FCHSD1: variants seen among roughly 807,000 people sequenced by gnomAD.
FCHSD1 encodes F-BAR and double SH3 domains protein 1.
FCHSD1 carries 109 observed loss-of-function variants against 101.3 expected under a neutral mutation model. The observed-to-expected ratio is 1.08, with a 90% CI of 0.92 to 1.26. FCHSD1 has a LOEUF of 1.26. Ranked by LOEUF, FCHSD1 falls within the 50% of genes most tolerant of loss-of-function variation. The pLI is 0.00. For missense variants in FCHSD1, 820 were observed against 895.8 expected (o/e 0.92, Z 1.08); for synonymous variants, 291 against 356.8 (o/e 0.82, Z 2.08).
rs999139462 is a variant in FCHSD1 at position 141,641,328 on chromosome 5, G to T, written c.*170C>A. 5 of 543,184 alleles carry T rather than the reference G, an allele frequency of 9.2e-6. No individual in the cohort carries two copies. Among genetic ancestry groups the T allele is most frequent in the Middle Eastern group, 4.9e-4 (1 of 2,052 alleles). 33.6% of individuals were successfully genotyped at this position (543,184 alleles called of 1,614,324 possible). On this transcript the variant is annotated 3_prime_UTR_variant, in exon 20 of 20. Transcript: ENST00000435817. ...ATAGAACAATGGGAAAAAAAGGAGT[G>T]GGTTCCAGCTCTAGAAATGGGAAGG...
chr5:141,651,291 C>T, intron 1 of FCHSD1, 57 bp downstream of exon 1: 1 of 1,551,166 alleles, frequency 6.4e-7, no homozygotes, highest in Non-Finnish European at 8.7e-7. Context: ...CGGATGCCCC[C>T]TTAGCTCCCT....
In FCHSD1 at chr5:141,647,206, G is replaced by C; in HGVS notation, c.853C>G (p.Leu285Val). Reference sequence around the variant, plus strand: ...AATACACCAGGCTCCTGAAGAAACAGCTTCAGGTCTTGCTCCCAGCTTACC... The same window carrying C: ...AATACACCAGGCTCCTGAAGAAACACCTTCAGGTCTTGCTCCCAGCTTACC... The part of the protein sequence containing the change: ...SQVSWEQDLK[L>V]FLQEPGVFSP... Residue 285 changes from leucine (L) to valine (V), a missense_variant, in exon 10 of 20, where the codon CTG becomes GTG. By Grantham distance (32) the Leu-to-Val change is conservative. Coordinates refer to ENST00000435817, the MANE Select transcript of FCHSD1 (RefSeq NM_033449.3). 1 of 1,608,364 alleles carries C rather than the reference G, an allele frequency of 6.2e-7. No homozygotes were observed.
intron 18 of FCHSD1, chr5:141,642,159 T>C: frequency 1.9e-6 from 1 of 515,052 alleles, no homozygotes. Flanking sequence ...AAGGCAGGCA[T>C]TCCACAGCCA....
chr5:141,640,023 G>A lies in FCHSD1; in HGVS notation c.*1475C>T. ...CTCTGGTGGGGGACAGGACCCAGGG[G>A]GTGGTCAGGGGTCTGGGGGAGGGCA... On this transcript the variant is annotated 3_prime_UTR_variant, in exon 20 of 20. Transcript: ENST00000435817. 6.2e-7 allele frequency: 1 copy of A among 1,613,528 alleles called. No homozygotes were observed. Among genetic ancestry groups the A allele is most frequent in the Non-Finnish European group, 8.5e-7 (1 of 1,179,774 alleles).
chr5:141,647,435 A>G lies in FCHSD1; in HGVS notation c.791T>C (p.Leu264Pro). 1 of 1,609,370 alleles carries G rather than the reference A, an allele frequency of 6.2e-7. No individual in the cohort carries two copies. The highest frequency in any genetic ancestry group is 8.5e-7 in the Non-Finnish European group (1 of 1,177,708). The change falls in exon 9 of 20, where the codon CTG becomes CCG. Residue 264 changes from leucine (L) to proline (P), a missense_variant. Coordinates refer to ENST00000435817, the MANE Select transcript of FCHSD1 (RefSeq NM_033449.3). ...CTGCTCCCCGCGGTGGGCATGCTCC[A>G]GGATGACCTCTGCGGCTTCCAGCTC... ...HTELEAAEVILEHAHRGEQTT... is the reference protein window; with the variant it reads ...HTELEAAEVIPEHAHRGEQTT...
intron 11 of FCHSD1, 114 bp downstream of exon 11, chr5:141,646,489 C>A: frequency 6.9e-7 from 1 of 1,440,148 alleles, no homozygotes; most frequent in Non-Finnish European, 9.2e-7. Context: ...CTTAAAATAC[C>A]TTTCCCTCCC....
rs1158068575 is a variant in FCHSD1 at position 141,648,094 on chromosome 5, C to T, written c.579G>A (p.Leu193=). 2 of 1,609,784 alleles carry T rather than the reference C, an allele frequency of 1.2e-6. No individual in the cohort carries two copies. Among genetic ancestry groups the T allele is most frequent in the African/African-American group, 2.7e-5 (2 of 74,858 alleles). ...GGGAGTACTGGGCTGACTGGGCGGA[C>T]AGCTAGGAGGGTAAACTGATGTCAA... The part of the protein sequence containing the change: ...RTSLQKLSTK[L]SAQSAQYSQQ... Residue 193 remains leucine, a splice_region_variant and synonymous_variant, in exon 8 of 20, where the codon CTG becomes CTA. Coordinates refer to ENST00000435817, the MANE Select transcript of FCHSD1 (RefSeq NM_033449.3).
Position 141,639,390 on chromosome 5 carries a change from T to C in FCHSD1, c.*2108A>G, listed in dbSNP as rs563233016. 8.3e-6 allele frequency: 11 copies of C among 1,322,192 alleles called. No homozygotes were observed. The highest frequency in any genetic ancestry group is 1.1e-5 in the Non-Finnish European group (11 of 956,862). The allele number at this position is 1,322,192 out of a possible 1,614,324, so 81.9% of individuals were successfully genotyped here. On this transcript the variant is annotated 3_prime_UTR_variant, in exon 20 of 20. Transcript: ENST00000435817. The surrounding 1 kb of genome is among the most constrained non-coding windows in gnomAD (Gnocchi z 4.4). ...GCTTCTGGGGTTTTAAGGAGCATGCTGAAAGAACGTAAGAAACAAAACATG... is the reference window on the plus strand; with the variant it reads ...GCTTCTGGGGTTTTAAGGAGCATGCCGAAAGAACGTAAGAAACAAAACATG...
rs968378000 is a variant in FCHSD1 at position 141,640,894 on chromosome 5, A to G, written c.*604T>C. 1.7e-6 allele frequency: 1 copy of G among 578,696 alleles called. No homozygotes were observed. Among genetic ancestry groups the G allele is most frequent in the Non-Finnish European group, 3.1e-6 (1 of 326,538 alleles). 35.8% of individuals were successfully genotyped at this position (578,696 alleles called of 1,614,324 possible). A position where few individuals can be genotyped will look rare whatever the true frequency, so the allele number is the denominator to read the frequency against. On this transcript the variant is annotated 3_prime_UTR_variant, in exon 20 of 20. Transcript: ENST00000435817. ...CAGGCTGCCTGCCCCGCCTTCCCCA[A>G]CACCTCGCTCCATATGATAGAGCGT...
At chr5:141,643,189 T>C in intron 17 of FCHSD1, 101 bp from the exon 18 acceptor site, 1 of 904,928 alleles carries the variant, frequency 1.1e-6, no homozygotes, top group Non-Finnish European at 1.6e-6. Context: ...CACTTCTCAA[T>C]ACAGGAAGTG....
intron 2 of FCHSD1, 64 bp downstream of exon 2, chr5:141,650,956 T>G (rs1226799949): frequency 1.2e-5 from 17 of 1,433,418 alleles, no homozygotes; most frequent in Non-Finnish European, 1.4e-5. Flanking sequence ...AGCACATGTA[T>G]ATTGGGGAGA....
intron 19 of FCHSD1, 68 bp from the exon 20 acceptor site, chr5:141,641,631 C>G: frequency 6.2e-7 from 1 of 1,609,320 alleles, no homozygotes; most frequent in Non-Finnish European, 8.5e-7. Flanking sequence ...TTCCCTCAGC[C>G]CTGCAGACAA....
At chr5:141,648,601 A>G (rs909399757) in intron 7 of FCHSD1, among the ~76,000 whole-genome samples, 4 of 151,982 alleles carry the variant, frequency 2.6e-5, no homozygotes, top group Non-Finnish European at 5.9e-5. Flanking sequence ...ACCTTGTTTT[A>G]TTTTCATCTT....
intron 3 of FCHSD1, 115 bp downstream of exon 3, chr5:141,650,244 C>G: frequency 7.4e-7 from 1 of 1,352,458 alleles, no homozygotes; most frequent in Non-Finnish European, 1.1e-6. Flanking sequence ...TGACACCAGT[C>G]TGCTTGACTC....
Position 141,644,459 on chromosome 5 carries a change from C to T in FCHSD1, c.1643-21G>A, listed in dbSNP as rs143219441. 537 of 1,610,908 alleles carry T rather than the reference C, an allele frequency of 3.3e-4. 12 individuals carry two copies. In the East Asian group the frequency reaches 0.012, roughly 35 times the overall value. ...GAATGCTACAGAGGCCCAGGAGAGACGGTGAGAGGGAGGTGGGTAGCAGTG... is the reference window on the plus strand; with the variant it reads ...GAATGCTACAGAGGCCCAGGAGAGATGGTGAGAGGGAGGTGGGTAGCAGTG... On this transcript the variant is annotated intron_variant, in intron 16 of 19. Transcript: ENST00000435817.
chr5:141,646,812 G>T, intron 10 of FCHSD1, 90 bp from the exon 11 acceptor site: 1 of 1,507,470 alleles, frequency 6.6e-7, no homozygotes, highest in East Asian at 2.4e-5. Flanking sequence ...TGACCTCCAA[G>T]GACAAGGACA....
chr5:141,644,292 C>G lies in FCHSD1; in HGVS notation c.1789G>C (p.Gly597Arg). The G allele has an allele frequency of 6.2e-7, 1 of 1,613,736 alleles. No homozygotes were observed. Among genetic ancestry groups the G allele is most frequent in the Non-Finnish European group, 8.5e-7 (1 of 1,179,778 alleles). ...TCCACCAGCAGGGAGGGGAAGACCCCAACACGGCCCCCAAATTCTCCCCTC... is the reference window on the plus strand; with the variant it reads ...TCCACCAGCAGGGAGGGGAAGACCCGAACACGGCCCCCAAATTCTCCCCTC... ...FWRGEFGGRV[G>R]VFPSLLVEEL... Residue 597 changes from glycine (G) to arginine (R), a missense_variant, in exon 17 of 20, where the codon GGG becomes CGG. By Grantham distance (125) the Gly-to-Arg change is moderately radical. Coordinates refer to ENST00000435817, the MANE Select transcript of FCHSD1 (RefSeq NM_033449.3).
chr5:141,643,089 C>T lies in FCHSD1; in HGVS notation c.1864-1G>A. 6.8e-7 allele frequency: 1 copy of T among 1,478,586 alleles called. No homozygotes were observed. The highest frequency in any genetic ancestry group is 1.5e-5 in the African/African-American group (1 of 68,624). The allele number at this position is 1,478,586 out of a possible 1,614,324, so 91.6% of individuals were successfully genotyped here. Reference sequence around the variant, plus strand: ...TGGGAGGAGAAGGGGACGGCAGCATCTGGAGGTGGGGTGGGCACAGAGTTA... The same window carrying T: ...TGGGAGGAGAAGGGGACGGCAGCATTTGGAGGTGGGGTGGGCACAGAGTTA... On this transcript the variant is annotated splice_acceptor_variant, in intron 17 of 19. Coordinates refer to ENST00000435817, the MANE Select transcript of FCHSD1 (RefSeq NM_033449.3). LOFTEE classifies it high-confidence loss of function.
At chr5:141,650,026 G>C in intron 3 of FCHSD1, 72 bp from the exon 4 acceptor site, 1 of 1,421,892 alleles carries the variant, frequency 7.0e-7, no homozygotes, top group Non-Finnish European at 9.5e-7. Flanking sequence ...TATGACATCA[G>C]AGTATAATCA....
Sources: allele counts gnomAD v4.1 joint callset (sites outside exome capture counted in the v4.1 genomes callset), GRCh38; gene constraint gnomAD v4.1.1; non-coding constraint Gnocchi (gnomAD v3.1); transcripts MANE v1.5; gene names NCBI Gene and HGNC (gene_info 2026-07-23, HGNC 2026-07-21).